Variants in CACHD1 observed in about 807,000 individuals in gnomAD.
CACHD1 encodes VWFA and cache domain-containing protein 1.
In CACHD1, 71 loss-of-function variants were observed where a neutral mutation model predicts 138.7. The observed-to-expected ratio is 0.51, with a 90% CI of 0.42 to 0.62. CACHD1 has a LOEUF of 0.62. CACHD1 is among the 20% of genes least tolerant of loss of function. The pLI is 0.00. For missense variants in CACHD1, 1,389 were observed against 1,625.3 expected (o/e 0.85, Z 2.50); for synonymous variants, 578 against 591.5 (o/e 0.98, Z 0.33).
rs760808923 is a variant in CACHD1, at chr1:64,678,314, T to C, written c.3244+4T>C. The C allele has an allele frequency of 6.4e-7, 1 of 1,551,446 alleles. No homozygotes were observed. Among genetic ancestry groups the C allele is most frequent in the Non-Finnish European group, 8.7e-7 (1 of 1,152,864 alleles). ...GTTGATGACATGGGAGCAATAGGTA[T>C]GTTTGTTAGATGCCCCAACAATTTG... On this transcript the variant is annotated splice_donor_region_variant and intron_variant, in intron 23 of 26. Transcript: ENST00000651257.
At chr1:64,609,507 C>T (rs943844756) in intron 4 of CACHD1, among the ~76,000 whole-genome samples, 1 of 152,136 alleles carries the variant, frequency 6.6e-6, no homozygotes, top group African/African-American at 2.4e-5. Flanking sequence ...ACTAAACAAA[C>T]AAGGTCTCTT....
In CACHD1 at chr1:64,634,374, G is replaced by GTATTTATTTATT. The variant is rs151171151; in HGVS notation, c.1006+117_1006+118insTTATTTATTTAT. The GTATTTATTTATT allele has an allele frequency of 1.5e-4, 38 of 259,844 alleles. No homozygotes were observed. The East Asian group carries it at 2.6e-3, about 18-fold the overall frequency. 16.1% of individuals were successfully genotyped at this position (259,844 alleles called of 1,614,324 possible). On this transcript the variant is annotated intron_variant, in intron 7 of 26. Transcript: ENST00000651257. Reference sequence around the variant, plus strand: ...AGAGAGATTTTATTTATTTATTTATGTATGTATTTATTTATTTATTTATTT... The same window carrying GTATTTATTTATT: ...AGAGAGATTTTATTTATTTATTTATGTATTTATTTATTTATGTATTTATTTATTTATTTATTT...
At chr1:64,621,457 C>T (rs1012959039) in intron 4 of CACHD1, among the ~76,000 whole-genome samples, 1 of 152,100 alleles carries the variant, frequency 6.6e-6, no homozygotes, top group African/African-American at 2.4e-5. Context: ...AATCTGTATA[C>T]TTCCTTCCCC....
intron 1 of CACHD1, among the ~76,000 whole-genome samples, chr1:64,495,026 C>G (rs1365047368): frequency 2.0e-5 from 3 of 151,962 alleles, no homozygotes; most frequent in Admixed American, 6.5e-5. Context: ...GTGGGGGGCT[C>G]TGGAGAATAT....
At chr1:64,503,450 G>A (rs938341017) in intron 1 of CACHD1, among the ~76,000 whole-genome samples, 3 of 152,182 alleles carry the variant, frequency 2.0e-5, no homozygotes, top group Non-Finnish European at 4.4e-5. Context: ...ACTAAGTCAT[G>A]CCTTTTAGGA....
chr1:64,541,972 G>T (rs1646680729), intron 1 of CACHD1, among the ~76,000 whole-genome samples: 1 of 146,452 alleles, frequency 6.8e-6, no homozygotes, highest in South Asian at 2.1e-4. Context: ...TAGAATAATA[G>T]TAGACTATCA....
chr1:64,690,663 T>C (rs1046153958), intron 26 of CACHD1, among the ~76,000 whole-genome samples: 2 of 152,222 alleles, frequency 1.3e-5, no homozygotes, highest in African/African-American at 4.8e-5. Context: ...TTGGGCAAAT[T>C]CCTTAACCTC....
At chr1:64,613,667 A>G (rs1318016241) in intron 4 of CACHD1, 1 of 152,120 alleles carries the variant, frequency 6.6e-6, no homozygotes, top group East Asian at 1.9e-4. Flanking sequence ...CTATAAAATT[A>G]CTTTCTGCTA....
At chr1:64,472,832 A>G (rs1646153321) in intron 1 of CACHD1, among the ~76,000 whole-genome samples, 1 of 152,098 alleles carries the variant, frequency 6.6e-6, no homozygotes, top group African/African-American at 2.4e-5. Flanking sequence ...AGGGCTGGAC[A>G]AGAAATCTTA....
chr1:64,507,287 T>C (rs987053585), intron 1 of CACHD1, among the ~76,000 whole-genome samples: 1 of 152,212 alleles, frequency 6.6e-6, no homozygotes, highest in Non-Finnish European at 1.5e-5. Flanking sequence ...TCTTGCCTTA[T>C]AGTTGGTTGT....
At chr1:64,536,047 A>G (rs1646630401) in intron 1 of CACHD1, among the ~76,000 whole-genome samples, 1 of 152,186 alleles carries the variant, frequency 6.6e-6, no homozygotes, top group South Asian at 2.1e-4. Flanking sequence ...TGTTATTGAG[A>G]TGGTTTACAT....
chr1:64,673,554 C>A, intron 19 of CACHD1, 90 bp downstream of exon 19: 1 of 1,052,010 alleles, frequency 9.5e-7, no homozygotes, highest in Non-Finnish European at 1.5e-6. Flanking sequence ...AATATTATTC[C>A]TACCTGTTTC....
At chr1:64,559,493 C>T (rs1328384227) in intron 2 of CACHD1, among the ~76,000 whole-genome samples, 1 of 152,036 alleles carries the variant, frequency 6.6e-6, no homozygotes, top group Non-Finnish European at 1.5e-5. Flanking sequence ...CTGGGGTTTA[C>T]TTGACAGGAG....
intron 9 of CACHD1, among the ~76,000 whole-genome samples, chr1:64,648,337 G>A (rs1570449973): frequency 6.6e-6 from 1 of 152,196 alleles, no homozygotes; most frequent in Non-Finnish European, 1.5e-5. Flanking sequence ...AAGTGCTGAG[G>A]ATTCAGCCTC....
intron 25 of CACHD1, among the ~76,000 whole-genome samples, chr1:64,681,543 T>TTTTTTTTTTG (rs1650184310): frequency 9.8e-6 from 1 of 101,956 alleles, no homozygotes; most frequent in African/African-American, 3.5e-5. Flanking sequence ...TTTATTGTGT[T>TTTTTTTTTTG]TTTTTTTTTT....
chr1:64,663,812 G>A lies in CACHD1; in HGVS notation c.2069G>A (p.Arg690His), dbSNP rs374883110. The A allele has an allele frequency of 1.0e-4, 163 of 1,613,970 alleles. No individual in the cohort carries two copies. The highest frequency in any genetic ancestry group is 1.4e-4 in the Non-Finnish European group (160 of 1,180,000). Residue 690 changes from arginine (R) to histidine (H), a missense_variant, in exon 14 of 27, where the codon CGC (arginine) becomes CAC (histidine). By Grantham distance (29) the Arg-to-His change is conservative. Transcript: ENST00000651257. ...ACCGCCTATCTCAGCGACAACACCC[G>A]CCTCATTGCTAACCCGGGCCTCAAA... ...HYTAYLSDNT[R>H]LIANPGLKFS...
intron 1 of CACHD1, among the ~76,000 whole-genome samples, chr1:64,528,058 C>A (rs1476071481): frequency 6.6e-6 from 1 of 152,180 alleles, no homozygotes; most frequent in Non-Finnish European, 1.5e-5. Flanking sequence ...AAGATTATCT[C>A]CATTTATAAT....
chr1:64,523,971 A>AG (rs754755054), intron 1 of CACHD1, among the ~76,000 whole-genome samples: 32 of 152,270 alleles, frequency 2.1e-4, no homozygotes, highest in Admixed American at 3.9e-4. Context: ...GAATTGTTAT[A>AG]GCTCTGTATT....
intron 3 of CACHD1, among the ~76,000 whole-genome samples, chr1:64,602,421 G>A (rs1647226349): frequency 6.7e-6 from 1 of 149,584 alleles, no homozygotes; most frequent in Non-Finnish European, 1.5e-5. Flanking sequence ...TTTCAAATAG[G>A]ATAATTTAAA....
Sources: allele counts gnomAD v4.1 joint callset (sites outside exome capture counted in the v4.1 genomes callset), GRCh38; gene constraint gnomAD v4.1.1; transcripts MANE v1.5; gene names NCBI Gene and HGNC (gene_info 2026-07-23, HGNC 2026-07-21).